Variants in PLXNC1 observed in about 807,000 individuals in gnomAD.
The protein encoded by PLXNC1 is plexin-C1.
Under a neutral mutation model 178.2 loss-of-function variants are expected in PLXNC1, and 75 were observed. The ratio of observed to expected loss-of-function variants is 0.42; its 90% CI spans 0.35 to 0.51. PLXNC1 has a LOEUF of 0.51. PLXNC1 is among the 20% of genes least tolerant of loss of function. The pLI is 0.02. For missense variants in PLXNC1, 1,503 were observed against 1,984.4 expected, an observed-to-expected ratio of 0.76 and a Z score of 4.61; for synonymous variants, 790 against 779.9, an observed-to-expected ratio of 1.01 and a Z score of -0.22.
Position 94,179,709 on chromosome 12 carries a change from C to G in PLXNC1, c.1204-1737C>G, listed in dbSNP as rs951998632. Reference sequence around the variant, plus strand: ...TGAGCCAAGATCGCACCACTGCACTCCAGTCTGGGCGACTGAGTAAGACTC... The same window carrying G: ...TGAGCCAAGATCGCACCACTGCACTGCAGTCTGGGCGACTGAGTAAGACTC... On this transcript the variant is annotated intron_variant, in intron 2 of 30. Coordinates refer to ENST00000258526, the MANE Select transcript of PLXNC1 (RefSeq NM_005761.3). 4.8e-5 allele frequency among the ~76,000 whole-genome samples: 7 copies of G among 145,762 alleles called. No homozygotes were observed. In the South Asian group the frequency reaches 1.5e-3, roughly 32 times the overall value.
chr12:94,291,790 A>G (rs1256910644), intron 23 of PLXNC1, among the ~76,000 whole-genome samples: 1 of 152,198 alleles, frequency 6.6e-6, no homozygotes, highest in East Asian at 1.9e-4. Context: ...ATTCGTGGGT[A>G]CATGTGCAGG....
At chr12:94,282,423 G>A (rs781245903) in intron 23 of PLXNC1, 22 bp downstream of exon 23, 22 of 1,471,414 alleles carry the variant, frequency 1.5e-5, no homozygotes, top group Non-Finnish European at 1.7e-5. Flanking sequence ...ACTTGACCCC[G>A]TGTCTCCTTC....
chr12:94,153,386 A>C (rs1342632381), intron 1 of PLXNC1, among the ~76,000 whole-genome samples: 1 of 152,222 alleles, frequency 6.6e-6, no homozygotes, highest in Non-Finnish European at 1.5e-5. Flanking sequence ...TGTGTTTTAG[A>C]ACTTCATGTG....
intron 17 of PLXNC1, 57 bp from the exon 18 acceptor site, chr12:94,259,280 T>A: frequency 7.5e-7 from 1 of 1,331,710 alleles, no homozygotes; most frequent in Non-Finnish European, 1.1e-6. Context: ...ATAACAAAAA[T>A]ACACTCTTCA....
chr12:94,276,714 G>A (rs1040681739), intron 21 of PLXNC1, among the ~76,000 whole-genome samples: 3 of 152,176 alleles, frequency 2.0e-5, no homozygotes, highest in Non-Finnish European at 4.4e-5. Context: ...CGGGTGTGAG[G>A]CTTCACATGT....
intron 11 of PLXNC1, among the ~76,000 whole-genome samples, chr12:94,243,098 G>A (rs1290458313): frequency 6.6e-6 from 1 of 152,248 alleles, no homozygotes; most frequent in Non-Finnish European, 1.5e-5. Flanking sequence ...CTACAGACTG[G>A]CATGAGGCCA....
chr12:94,215,009 G>C (rs1963602376), intron 5 of PLXNC1, among the ~76,000 whole-genome samples: 1 of 151,984 alleles, frequency 6.6e-6, no homozygotes, highest in South Asian at 2.1e-4. Context: ...CGATTCTCCT[G>C]CCTCAGCCTC....
Position 94,305,167 on chromosome 12 carries a change from C to T in PLXNC1, c.4603-14C>T. The T allele has an allele frequency of 6.5e-7, 1 of 1,538,464 alleles. No individual in the cohort carries two copies. Among genetic ancestry groups the T allele is most frequent in the Middle Eastern group, 1.7e-4 (1 of 5,904 alleles). ...AACCACAATATCTAAAATAACTGTT[C>T]TAATTGTCAACAGATTCTAAATAAA... On this transcript the variant is annotated splice_polypyrimidine_tract_variant and intron_variant, in intron 30 of 30. Transcript: ENST00000258526.
At chr12:94,264,570 T>C (rs930663878) in intron 20 of PLXNC1, among the ~76,000 whole-genome samples, 1 of 152,228 alleles carries the variant, frequency 6.6e-6, no homozygotes, top group African/African-American at 2.4e-5. Context: ...GCAGGCTGCT[T>C]CCTTCGAGAA....
chr12:94,226,840 A>G (rs1963954016), intron 8 of PLXNC1, 133 bp downstream of exon 8: 3 of 677,602 alleles, frequency 4.4e-6, no homozygotes, highest in Non-Finnish European at 5.3e-6. Context: ...CCTGACCAAC[A>G]TGGCAAAACC....
At chr12:94,212,323 A>G (rs1426704451) in intron 5 of PLXNC1, among the ~76,000 whole-genome samples, 1 of 149,634 alleles carries the variant, frequency 6.7e-6, no homozygotes, top group Admixed American at 6.6e-5. Context: ...AAATAAAATT[A>G]TTATTGTTAT....
intron 23 of PLXNC1, among the ~76,000 whole-genome samples, chr12:94,289,201 C>T (rs989235541): frequency 2.6e-5 from 4 of 152,000 alleles, no homozygotes; most frequent in Non-Finnish European, 4.4e-5. Context: ...TGTGTAGCTC[C>T]TGTTTATTTT....
chr12:94,204,021 T>C lies in PLXNC1; in HGVS notation c.1440-5569T>C, dbSNP rs140050920. 8.8e-3 allele frequency among the ~76,000 whole-genome samples: 1,342 copies of C among 152,342 alleles called. 25 individuals carry two copies. Among genetic ancestry groups the C allele is most frequent in the Non-Finnish European group, 0.014 (920 of 68,022 alleles). On this transcript the variant is annotated intron_variant, in intron 4 of 30. Coordinates refer to ENST00000258526, the MANE Select transcript of PLXNC1 (RefSeq NM_005761.3). ...TCTTCCACCTCCTGCCATGGGATGATTCAGCAATAAGGCCCTCGCCAGATG... is the reference window on the plus strand; with the variant it reads ...TCTTCCACCTCCTGCCATGGGATGACTCAGCAATAAGGCCCTCGCCAGATG...
In PLXNC1 at chr12:94,265,101, A is replaced by G; in HGVS notation, c.3473A>G (p.Tyr1158Cys). ...AAGGAGACTGTCGGAGAGCCCTTCT[A>G]TTTGCTGGTGACGACTCTGAACCAG... ...FLRETVGEPF[Y>C]LLVTTLNQKI... Residue 1158 changes from tyrosine to cysteine, a missense_variant, in exon 21 of 31, where the codon TAT (tyrosine) becomes TGT (cysteine). By Grantham distance (194) the Tyr-to-Cys change is radical. This residue lies in a region of PLXNC1 where 639 missense variants were observed against 979.7 expected (regional missense o/e 0.65). Coordinates refer to ENST00000258526, the MANE Select transcript of PLXNC1 (RefSeq NM_005761.3). The G allele has an allele frequency of 1.2e-6, 2 of 1,614,166 alleles. No homozygotes were observed. The highest frequency in any genetic ancestry group is 1.7e-6 in the Non-Finnish European group (2 of 1,180,020).
chr12:94,257,789 C>A (rs1964891114), intron 17 of PLXNC1, among the ~76,000 whole-genome samples: 1 of 152,120 alleles, frequency 6.6e-6, no homozygotes, highest in South Asian at 2.1e-4. Context: ...CGCCTGTAGT[C>A]CCAGCTACTC....
intron 20 of PLXNC1, among the ~76,000 whole-genome samples, chr12:94,263,312 C>G (rs955981757): frequency 2.6e-5 from 4 of 152,028 alleles, no homozygotes; most frequent in African/African-American, 4.8e-5. Context: ...CATCTGAATG[C>G]TTAACAAGAG....
At chr12:94,181,775 A>G (rs1353049179) in intron 3 of PLXNC1, among the ~76,000 whole-genome samples, 195 bp downstream of exon 3, 1 of 152,194 alleles carries the variant, frequency 6.6e-6, no homozygotes, top group Non-Finnish European at 1.5e-5. Context: ...AAGAAATATT[A>G]TCTATTTAGA....
Position 94,306,257 on chromosome 12 carries a change from C to T in PLXNC1, c.*972C>T, listed in dbSNP as rs1361441948. The T allele has an allele frequency of 1.3e-5, 2 of 151,608 alleles. No individual in the cohort carries two copies. The highest frequency in any genetic ancestry group is 2.1e-4 in the South Asian group (1 of 4,816). The allele number at this position is 151,608 out of a possible 1,614,324, so 9.4% of individuals were successfully genotyped here. On this transcript the variant is annotated 3_prime_UTR_variant, in exon 31 of 31. Coordinates refer to ENST00000258526, the MANE Select transcript of PLXNC1 (RefSeq NM_005761.3). Reference sequence around the variant, plus strand: ...AAAAAAGATACATTTTACATTTTATCGAATTGCTGTTCACACTGGAGTATT... The same window carrying T: ...AAAAAAGATACATTTTACATTTTATTGAATTGCTGTTCACACTGGAGTATT...
At chr12:94,292,723 ACAAAT>A (rs1279079516) in intron 23 of PLXNC1, among the ~76,000 whole-genome samples, 2 of 152,202 alleles carry the variant, frequency 1.3e-5, no homozygotes, top group African/African-American at 2.4e-5. Flanking sequence ...TAATTTGTGC[ACAAAT>A]CAAAGTTTTT....
Sources: gnomAD v4.1 joint callset for allele counts (sites outside exome capture counted in the v4.1 genomes callset) on GRCh38, gnomAD v4.1.1 for gene constraint, gnomAD v4.1.1 regional missense constraint, MANE v1.5 for transcripts, NCBI Gene and HGNC (gene_info 2026-07-23, HGNC 2026-07-21) for gene names.